The following PPM1H variants were observed in gnomAD, a reference collection of about 807,000 sequenced individuals.
PPM1H encodes protein phosphatase, Mg2+/Mn2+ dependent 1H.
A neutral mutation model predicts 54.9 loss-of-function variants in PPM1H; 27 were observed. That is an observed-to-expected ratio of 0.49 (90% confidence interval 0.36 to 0.68). PPM1H has a LOEUF of 0.68. PPM1H is among the 30% of genes least tolerant of loss of function. PPM1H has a pLI of 0.00. For synonymous variants in PPM1H, 305 were observed against 270.8 expected, an observed-to-expected ratio of 1.13 and a Z score of -1.24; for missense variants, 596 against 667.8, an observed-to-expected ratio of 0.89 and a Z score of 1.19.
chr12:62,676,618 G>C (rs1221020023), intron 8 of PPM1H, among the ~76,000 whole-genome samples: 3 of 152,134 alleles, frequency 2.0e-5, no homozygotes, highest in Non-Finnish European at 4.4e-5. Context: ...CGCTGAGCCT[G>C]GTCACTGTCG....
intron 1 of PPM1H, among the ~76,000 whole-genome samples, chr12:62,833,437 C>A (rs1394512870): frequency 2.6e-5 from 4 of 152,102 alleles, no homozygotes; most frequent in Admixed American, 2.6e-4. Context: ...AGCTTTTGAC[C>A]AATTCCCCAA....
chr12:62,818,536 G>A (rs939475305), intron 2 of PPM1H, among the ~76,000 whole-genome samples: 10 of 150,350 alleles, frequency 6.7e-5, no homozygotes, highest in Non-Finnish European at 1.0e-4. Flanking sequence ...TCTCATGAAA[G>A]TGTCTTTTGG....
chr12:62,816,828 G>C (rs17098358), intron 2 of PPM1H, among the ~76,000 whole-genome samples: 7,078 of 151,708 alleles, frequency 0.047, 577 homozygotes, highest in African/African-American at 0.16. Flanking sequence ...GATTATAAGT[G>C]AAGCAAGAAG....
At chr12:62,852,228 CA>C (rs59673617) in intron 1 of PPM1H, among the ~76,000 whole-genome samples, 174 of 60,406 alleles carry the variant, frequency 2.9e-3, no homozygotes, top group East Asian at 8.5e-3. Flanking sequence ...GACTCTGTCT[CA>C]AAAAAAAAAA....
chr12:62,842,938 C>T (rs1018900562), intron 1 of PPM1H, among the ~76,000 whole-genome samples: 2 of 152,186 alleles, frequency 1.3e-5, no homozygotes, highest in African/African-American at 2.4e-5. Context: ...TTCCCTGTGC[C>T]TCAGTTTCTC....
rs545621152 is a variant in PPM1H, at chr12:62,735,865, T to C, written c.954+1637A>G. Among the ~76,000 whole-genome samples, 3 of 152,092 alleles carry C rather than the reference T, an allele frequency of 2.0e-5. No homozygotes were observed. In the East Asian group the frequency reaches 5.8e-4, roughly 29 times the overall value. On this transcript the variant is annotated intron_variant, in intron 5 of 9. Coordinates refer to ENST00000228705, the MANE Select transcript of PPM1H (RefSeq NM_020700.2). Reference sequence around the variant, plus strand: ...CAGGCAGACCATACTTCCAAAGGCATGGGGGTCAGAGATCAGAGAAATCAT... The same window carrying C: ...CAGGCAGACCATACTTCCAAAGGCACGGGGGTCAGAGATCAGAGAAATCAT...
intron 1 of PPM1H, among the ~76,000 whole-genome samples, chr12:62,929,716 G>A (rs1268808503): frequency 1.3e-5 from 2 of 152,110 alleles, no homozygotes; most frequent in Non-Finnish European, 2.9e-5. Context: ...CTCCACCTAA[G>A]GGGGATGATT....
chr12:62,918,202 T>C (rs1231290467), intron 1 of PPM1H, among the ~76,000 whole-genome samples: 2 of 152,092 alleles, frequency 1.3e-5, no homozygotes, highest in Non-Finnish European at 2.9e-5. Flanking sequence ...GAGCCAAGAC[T>C]ACCTCAAGCT....
At chr12:62,693,026 C>T (rs774915302) in intron 7 of PPM1H, among the ~76,000 whole-genome samples, 3 of 151,684 alleles carry the variant, frequency 2.0e-5, no homozygotes, top group Non-Finnish European at 2.9e-5. Context: ...TAAAAACTAT[C>T]GTATCGAATG....
chr12:62,762,457 T>C (rs2076514901), intron 4 of PPM1H, among the ~76,000 whole-genome samples: 1 of 152,180 alleles, frequency 6.6e-6, no homozygotes, highest in Non-Finnish European at 1.5e-5. Context: ...TTGTAGACTC[T>C]GTTGGAGGCT....
chr12:62,745,589 C>G (rs1305721399), intron 4 of PPM1H, among the ~76,000 whole-genome samples: 2 of 152,214 alleles, frequency 1.3e-5, no homozygotes, highest in African/African-American at 4.8e-5. Context: ...AACCACATCT[C>G]AGAGGCCATT....
intron 1 of PPM1H, among the ~76,000 whole-genome samples, chr12:62,867,562 C>CTGT (rs1481926545): frequency 9.8e-6 from 1 of 101,880 alleles, no homozygotes; most frequent in East Asian, 2.9e-4. Flanking sequence ...CTTATGAGCA[C>CTGT]TATTTTTTTT....
chr12:62,748,769 C>T (rs1407044087), intron 4 of PPM1H, among the ~76,000 whole-genome samples: 2 of 152,044 alleles, frequency 1.3e-5, no homozygotes, highest in African/African-American at 4.8e-5. Flanking sequence ...GTGGTAGGAG[C>T]CTGTGTGTTG....
intron 6 of PPM1H, among the ~76,000 whole-genome samples, chr12:62,710,829 C>T (rs2076203295): frequency 6.6e-6 from 1 of 152,206 alleles, no homozygotes; most frequent in Non-Finnish European, 1.5e-5. Flanking sequence ...ATTTCAGCAA[C>T]AGACTGTAGA....
At chr12:62,711,724 T>C (rs1156289400) in intron 6 of PPM1H, among the ~76,000 whole-genome samples, 7 of 152,194 alleles carry the variant, frequency 4.6e-5, no homozygotes, top group Non-Finnish European at 4.4e-5. Context: ...GTTCAGCCAC[T>C]TTAGGACAAT....
At chr12:62,748,529 A>AAC (rs3052402) in intron 4 of PPM1H, among the ~76,000 whole-genome samples, 9,430 of 147,302 alleles carry the variant, frequency 0.064, 328 homozygotes, top group East Asian at 0.093. Flanking sequence ...TTCAGTGTAG[A>AAC]ACACACACAC....
intron 1 of PPM1H, among the ~76,000 whole-genome samples, chr12:62,869,188 G>A (rs1869892056): frequency 6.6e-6 from 1 of 151,900 alleles, no homozygotes; most frequent in South Asian, 2.1e-4. Flanking sequence ...CCATCTTCCT[G>A]GAGTTTCTCT....
At position 62,689,732 on chromosome 12, in the gene PPM1H, G is replaced by A; in HGVS notation, c.1212C>T (p.Ile404=). ...DHDLKVHDSN[I]YIKPFLSSAP... is the part of the protein sequence containing the mutation. ...CTGAAGACAGGAATGGTTTAATGTA[G>A]ATGTTGGAGTCATGCACCTTCAGGT... Residue 404 remains isoleucine, a synonymous_variant, in exon 8 of 10, where the codon ATC becomes ATT. Coordinates refer to ENST00000228705, the MANE Select transcript of PPM1H (RefSeq NM_020700.2). 6.2e-7 allele frequency: 1 copy of A among 1,613,790 alleles called. No homozygotes were observed. The highest frequency in any genetic ancestry group is 1.1e-5 in the South Asian group (1 of 91,034).
intron 4 of PPM1H, among the ~76,000 whole-genome samples, chr12:62,781,462 G>A (rs962508913): frequency 3.3e-5 from 5 of 152,170 alleles, no homozygotes; most frequent in South Asian, 4.1e-4. Flanking sequence ...GCAGTCTAAC[G>A]CTTTGGCCCT....
Sources: gnomAD v4.1 joint callset for allele counts (sites outside exome capture counted in the v4.1 genomes callset) on GRCh38, gnomAD v4.1.1 for gene constraint, MANE v1.5 for transcripts, NCBI Gene and HGNC (gene_info 2026-07-23, HGNC 2026-07-21) for gene names.